CLSTN2: variants seen among roughly 807,000 people sequenced by gnomAD.
The protein encoded by CLSTN2 is calsyntenin 2, also known as calsyntenin-2.
A neutral mutation model predicts 101.2 loss-of-function variants in CLSTN2; 48 were observed. The observed-to-expected ratio is 0.47, with a 90% CI of 0.38 to 0.60. CLSTN2 has a LOEUF of 0.60. CLSTN2 is among the 20% of genes least tolerant of loss of function. The pLI is 0.00. For missense variants in CLSTN2, 1,160 were observed against 1,238.2 expected, an observed-to-expected ratio of 0.94 and a Z score of 0.95; for synonymous variants, 481 against 463.6, an observed-to-expected ratio of 1.04 and a Z score of -0.48.
chr3:140,082,962 CA>C (rs1208383379), intron 1 of CLSTN2, among the ~76,000 whole-genome samples: 3 of 152,156 alleles, frequency 2.0e-5, no homozygotes, highest in Admixed American at 2.0e-4. Flanking sequence ...TGGACAGCAC[CA>C]TCATTTCAAC....
intron 2 of CLSTN2, among the ~76,000 whole-genome samples, chr3:140,281,944 G>A (rs2086851276): frequency 6.6e-6 from 1 of 152,072 alleles, no homozygotes; most frequent in African/African-American, 2.4e-5. Context: ...TTTTCTGAAG[G>A]AGTCAGGCAA....
intron 1 of CLSTN2, among the ~76,000 whole-genome samples, chr3:140,167,712 C>T (rs991084852): frequency 6.6e-6 from 1 of 152,130 alleles, no homozygotes; most frequent in African/African-American, 2.4e-5. Context: ...CAAATCCCAC[C>T]CCACCCCAAA....
intron 4 of CLSTN2, among the ~76,000 whole-genome samples, chr3:140,406,474 G>A (rs918970247): frequency 2.0e-5 from 3 of 152,190 alleles, no homozygotes; most frequent in Non-Finnish European, 2.9e-5. Flanking sequence ...CAATGCACAA[G>A]CAAGTAAAGG....
intron 8 of CLSTN2, chr3:140,507,824 A>G (rs1337771660): frequency 6.6e-6 from 1 of 152,110 alleles, no homozygotes; most frequent in African/African-American, 2.4e-5. Context: ...ATAATGTGTG[A>G]CCTCATACCA....
intron 2 of CLSTN2, among the ~76,000 whole-genome samples, chr3:140,205,237 A>G (rs990646643): frequency 1.3e-5 from 2 of 152,192 alleles, no homozygotes; most frequent in Non-Finnish European, 2.9e-5. Context: ...TTATTTCTTT[A>G]TCATTATACC....
intron 1 of CLSTN2, among the ~76,000 whole-genome samples, chr3:140,065,617 CTT>C (rs1296041664): frequency 6.6e-6 from 1 of 152,148 alleles, no homozygotes; most frequent in Non-Finnish European, 1.5e-5. Context: ...GCAAATTCGC[CTT>C]TCTCTCTAGG....
chr3:140,069,430 A>G (rs1282385048), intron 1 of CLSTN2, among the ~76,000 whole-genome samples: 1 of 152,126 alleles, frequency 6.6e-6, no homozygotes, highest in East Asian at 1.9e-4. Context: ...GCAGACCCCA[A>G]CTAGTGGGAA....
At chr3:140,017,011 A>T (rs2007215857) in intron 1 of CLSTN2, among the ~76,000 whole-genome samples, 1 of 152,176 alleles carries the variant, frequency 6.6e-6, no homozygotes, top group Admixed American at 6.5e-5. Context: ...GTTGTTCTAG[A>T]ATCAACTGTA....
chr3:139,968,142 A>C (rs987198), intron 1 of CLSTN2, among the ~76,000 whole-genome samples: 104,214 of 152,074 alleles, frequency 0.69, 39,319 homozygotes, highest in East Asian at 0.91. Flanking sequence ...TTGAACACAT[A>C]AAGTGTCCTT....
intron 2 of CLSTN2, among the ~76,000 whole-genome samples, chr3:140,272,438 A>T (rs1395930190): frequency 6.6e-6 from 1 of 151,738 alleles, no homozygotes; most frequent in East Asian, 2.0e-4. Flanking sequence ...ACAATAGCCA[A>T]TCAGTAAGGT....
chr3:140,290,539 A>G (rs1366101502), intron 2 of CLSTN2, among the ~76,000 whole-genome samples: 1 of 152,174 alleles, frequency 6.6e-6, no homozygotes, highest in African/African-American at 2.4e-5. Flanking sequence ...GGTAGGGGGA[A>G]GGGAACACTC....
rs186987010 is a variant in CLSTN2, at chr3:140,441,785, G to A, written c.788-6734G>A. Reference sequence around the variant, plus strand: ...AGGCCTTGAAGAGTCTGTTTCTGACGCTCTAAATAACCCACTCCCTGGCCC... The same window carrying A: ...AGGCCTTGAAGAGTCTGTTTCTGACACTCTAAATAACCCACTCCCTGGCCC... On this transcript the variant is annotated intron_variant, in intron 5 of 16. Coordinates refer to ENST00000458420, the MANE Select transcript of CLSTN2 (RefSeq NM_022131.3). Among the ~76,000 whole-genome samples the A allele has an allele frequency of 1.8e-3, 272 of 152,258 alleles. 1 individual carries two copies. Among genetic ancestry groups the A allele is most frequent in the African/African-American group, 6.2e-3 (259 of 41,556 alleles).
chr3:140,131,666 T>C (rs1363940800), intron 1 of CLSTN2, among the ~76,000 whole-genome samples: 1 of 151,914 alleles, frequency 6.6e-6, no homozygotes, highest in Non-Finnish European at 1.5e-5. Context: ...GGTAGTTGTG[T>C]GAGAGGAGGT....
chr3:140,150,791 AG>A (rs1476321856), intron 1 of CLSTN2, among the ~76,000 whole-genome samples: 1 of 152,124 alleles, frequency 6.6e-6, no homozygotes, highest in Non-Finnish European at 1.5e-5. Flanking sequence ...ACCTAAATAA[AG>A]ATCCTGCACA....
intron 8 of CLSTN2, among the ~76,000 whole-genome samples, chr3:140,518,049 C>G (rs1028651756): frequency 7.2e-5 from 11 of 152,058 alleles, no homozygotes; most frequent in Non-Finnish European, 1.6e-4. Flanking sequence ...ACTGTCTCTC[C>G]TGTGTCACGC....
chr3:139,979,257 AATGAC>A (rs1472859507), intron 1 of CLSTN2, among the ~76,000 whole-genome samples: 2 of 152,178 alleles, frequency 1.3e-5, no homozygotes, highest in Non-Finnish European at 2.9e-5. Context: ...CTTCATTAGC[AATGAC>A]CATTGCCCCA....
At chr3:140,523,213 C>T (rs988120526) in intron 8 of CLSTN2, among the ~76,000 whole-genome samples, 1 of 152,110 alleles carries the variant, frequency 6.6e-6, no homozygotes, top group Non-Finnish European at 1.5e-5. Flanking sequence ...CTGCATCCCT[C>T]GGGCAGTGGC....
chr3:140,418,513 C>G (rs66952275), intron 4 of CLSTN2, among the ~76,000 whole-genome samples: 2 of 42,126 alleles, frequency 4.7e-5, no homozygotes, highest in African/African-American at 9.6e-4. Flanking sequence ...TTCTTTCTTT[C>G]TTTCTTTTTT....
chr3:140,347,112 C>A (rs770582509), intron 2 of CLSTN2, among the ~76,000 whole-genome samples: 4 of 152,194 alleles, frequency 2.6e-5, no homozygotes, highest in Admixed American at 6.5e-5. Flanking sequence ...TCCTGAGAGT[C>A]ATACACACAT....
Sources: allele counts gnomAD v4.1 joint callset (sites outside exome capture counted in the v4.1 genomes callset), GRCh38; gene constraint gnomAD v4.1.1; transcripts MANE v1.5; gene names NCBI Gene and HGNC (gene_info 2026-07-23, HGNC 2026-07-21).